The following RBFA variants were observed in gnomAD, a reference collection of about 807,000 sequenced individuals.
RBFA encodes ribosome binding factor A, also known as putative ribosome-binding factor A, mitochondrial.
In RBFA, 16 loss-of-function variants were observed where a neutral mutation model predicts 27.9. The observed-to-expected ratio is 0.57, with a 90% CI of 0.39 to 0.87. The LOEUF is 0.87. Ranked by LOEUF, RBFA falls within the 40% of genes least tolerant of loss-of-function variation. The pLI, the probability that RBFA is intolerant of heterozygous loss-of-function variation, is 0.00. For missense variants in RBFA, 456 were observed against 432.1 expected, an observed-to-expected ratio of 1.06 and a Z score of -0.49; for synonymous variants, 181 against 181.0, an observed-to-expected ratio of 1.00 and a Z score of 0.00.
chr18:80,034,957 C>T (rs887630558), intron 1 of RBFA: 9 of 345,454 alleles, frequency 2.6e-5, no homozygotes, highest in Non-Finnish European at 4.2e-5. Context: ...TAAGAATTTC[C>T]TTGCTAATGT....
chr18:80,034,748 T>TGCG lies in RBFA; in HGVS notation c.158+98_158+100dup. The TGCG allele has an allele frequency of 2.0e-6, 3 of 1,526,220 alleles. No homozygotes were observed. The South Asian group carries it at 3.5e-5, about 18-fold the overall frequency. The allele number at this position is 1,526,220 out of a possible 1,614,324, so 94.5% of individuals were successfully genotyped here. A position where few individuals can be genotyped will look rare whatever the true frequency, so the allele number is the denominator to read the frequency against. ...CCGCTCATCCGCGTTCTTGCGCCCA[T>TGCG]GCGGCCTAGCTCGCCAGTTCCTGCC... On this transcript the variant is annotated intron_variant, in intron 1 of 6. Coordinates refer to ENST00000306735, the MANE Select transcript of RBFA (RefSeq NM_024805.3).
In RBFA at chr18:80,047,925, T is replaced by C. The variant is rs1199320432; in HGVS notation, c.*1770T>C. On this transcript the variant is annotated 3_prime_UTR_variant, in exon 7 of 7. Transcript: ENST00000306735. ...AATCTCCCTGGCTTACAACAACCAG[T>C]TTGCCTCTTATTCTTCTAGGGGACC... 6.6e-6 allele frequency among the ~76,000 whole-genome samples: 1 copy of C among 152,116 alleles called. No homozygotes were observed. Among genetic ancestry groups the C allele is most frequent in the Admixed American group, 6.5e-5 (1 of 15,276 alleles).
At position 80,045,787 on chromosome 18, in the gene RBFA, C is replaced by A. The variant is rs765348495; in HGVS notation, c.664C>A (p.Pro222Thr). The A allele has an allele frequency of 3.2e-5, 49 of 1,516,576 alleles. 1 individual carries two copies. The South Asian group carries it at 5.2e-4, about 16-fold the overall frequency. 93.9% of individuals were successfully genotyped at this position (1,516,576 alleles called of 1,614,324 possible). A position where few individuals can be genotyped will look rare whatever the true frequency, so the allele number is the denominator to read the frequency against. ...VQNDFRDPDA[P>T]QPCGTTEPTT... ...CTTCCTTCCCAGGGACCCTGATGCCCCACAACCCTGCGGCACCACAGAGCC... is the reference window on the plus strand; with the variant it reads ...CTTCCTTCCCAGGGACCCTGATGCCACACAACCCTGCGGCACCACAGAGCC... The change falls in exon 7 of 7, where the codon CCA becomes ACA. Residue 222 changes from proline (P) to threonine (T), a missense_variant. Coordinates refer to ENST00000306735, the MANE Select transcript of RBFA (RefSeq NM_024805.3).
chr18:80,048,455 C>A lies in RBFA; in HGVS notation c.*2300C>A, dbSNP rs945328025. ...TGTGCCCAGGCTGTGTTTTATTGTT[C>A]TAGCAATTTATTGTTACAAAACAGA... On this transcript the variant is annotated 3_prime_UTR_variant, in exon 7 of 7. Transcript: ENST00000306735. 1.3e-5 allele frequency among the ~76,000 whole-genome samples: 2 copies of A among 152,212 alleles called. No individual in the cohort carries two copies. Among genetic ancestry groups the A allele is most frequent in the Admixed American group, 6.5e-5 (1 of 15,292 alleles).
At chr18:80,045,228 CTTTTT>C (rs35063027) in intron 6 of RBFA, among the ~76,000 whole-genome samples, 1 of 138,730 alleles carries the variant, frequency 7.2e-6, no homozygotes, top group Non-Finnish European at 1.5e-5. Flanking sequence ...GTTGCAAACG[CTTTTT>C]TTTTTTTTTT....
Position 80,042,112 on chromosome 18 carries a change from G to C in RBFA, c.492-23G>C, listed in dbSNP as rs75711024. The stretch of plus-strand genomic sequence containing the variant: ...CTGAGTGTCACGGCACAGCTGTGAG[G>C]GTCTGTGCGTTCTGTCTCCTAGGCA... On this transcript the variant is annotated intron_variant, in intron 4 of 6. Coordinates refer to ENST00000306735, the MANE Select transcript of RBFA (RefSeq NM_024805.3). The C allele has an allele frequency of 2.4e-3, 3,816 of 1,559,792 alleles. 62 individuals carry two copies. The African/African-American group carries it at 0.045, about 18-fold the overall frequency.
rs141154275 is a variant in RBFA, at chr18:80,046,017, C to T, written c.894C>T (p.Gly298=). ...GCTCCCTCAAGAGTTACCTGTCAGG[C>T]GAGGAGGTTGAAGATGACCTGGACC... The part of the protein sequence containing the change: ...QDSSLKSYLS[G]EEVEDDLDLV... The change falls in exon 7 of 7, where the codon GGC becomes GGT. Residue 298 remains glycine (G), a synonymous_variant. Transcript: ENST00000306735. 185 of 1,614,028 alleles carry T rather than the reference C, an allele frequency of 1.1e-4. No individual in the cohort carries two copies. The highest frequency in any genetic ancestry group is 4.0e-4 in the East Asian group (18 of 44,870).
In RBFA at chr18:80,049,230, G is replaced by A. The variant is rs539815709; in HGVS notation, c.*3075G>A. Among the ~76,000 whole-genome samples, 8 of 142,418 alleles carry A rather than the reference G, an allele frequency of 5.6e-5. No individual in the cohort carries two copies. Among genetic ancestry groups the A allele is most frequent in the African/African-American group, 1.9e-4 (7 of 37,554 alleles). The allele number at this position is 142,418 out of a possible 152,430, so 93.4% of individuals were successfully genotyped here. A position where few individuals can be genotyped will look rare whatever the true frequency, so the allele number is the denominator to read the frequency against. ...AATGGGTCCACTCCTGGGGATTTCC[G>A]CGGCCTTCCCTGGGAGCGGGTTAGG... On this transcript the variant is annotated 3_prime_UTR_variant, in exon 7 of 7. Coordinates refer to ENST00000306735, the MANE Select transcript of RBFA (RefSeq NM_024805.3).
chr18:80,036,741 C>T, intron 2 of RBFA, 31 bp downstream of exon 2: 1 of 1,563,708 alleles, frequency 6.4e-7, no homozygotes, highest in Middle Eastern at 1.7e-4. Flanking sequence ...ACTTTATAAT[C>T]TTGATGGGAG....
In RBFA at chr18:80,048,384, C is replaced by T. The variant is rs942249012; in HGVS notation, c.*2229C>T. 1.3e-5 allele frequency among the ~76,000 whole-genome samples: 2 copies of T among 152,192 alleles called. No individual in the cohort carries two copies. Among genetic ancestry groups the T allele is most frequent in the African/African-American group, 4.8e-5 (2 of 41,448 alleles). On this transcript the variant is annotated 3_prime_UTR_variant, in exon 7 of 7. Coordinates refer to ENST00000306735, the MANE Select transcript of RBFA (RefSeq NM_024805.3). The stretch of plus-strand genomic sequence containing the variant: ...AAAGGTGTTAAAGAAGGAGAGAACG[C>T]CCTCAATGGTGTGTCCTTTGCATAC...
intron 3 of RBFA, 97 bp downstream of exon 3, chr18:80,037,603 C>T: frequency 8.4e-7 from 1 of 1,194,128 alleles, no homozygotes; most frequent in Non-Finnish European, 1.2e-6. Context: ...AAAAAAGACG[C>T]TTTAGACTGG....
In RBFA at chr18:80,046,000, A is replaced by C. The variant is rs1053110872; in HGVS notation, c.877A>C (p.Lys293Gln). The C allele has an allele frequency of 1.2e-6, 2 of 1,614,060 alleles. No individual in the cohort carries two copies. The highest frequency in any genetic ancestry group is 1.7e-6 in the Non-Finnish European group (2 of 1,180,050). The change falls in exon 7 of 7, where the codon AAG becomes CAG. Residue 293 changes from lysine to glutamine, a missense_variant. Physicochemically the swap from Lys to Gln is moderately conservative, Grantham distance 53. Coordinates refer to ENST00000306735, the MANE Select transcript of RBFA (RefSeq NM_024805.3). ...CCGCCTGGAGCAGGACAGCTCCCTCAAGAGTTACCTGTCAGGCGAGGAGGT... is the reference window on the plus strand; with the variant it reads ...CCGCCTGGAGCAGGACAGCTCCCTCCAGAGTTACCTGTCAGGCGAGGAGGT... ...KPRLEQDSSLKSYLSGEEVED... is the reference protein window; with the variant it reads ...KPRLEQDSSLQSYLSGEEVED...
Position 80,046,173 on chromosome 18 carries a change from A to G in RBFA, c.*18A>G. On this transcript the variant is annotated 3_prime_UTR_variant, in exon 7 of 7. Coordinates refer to ENST00000306735, the MANE Select transcript of RBFA (RefSeq NM_024805.3). Reference sequence around the variant, plus strand: ...GGGAGTAGATGGAGAGGCTCTGCCCATCCCACATTTGCAGGGAAAAGCATT... The same window carrying G: ...GGGAGTAGATGGAGAGGCTCTGCCCGTCCCACATTTGCAGGGAAAAGCATT... 2 of 1,606,418 alleles carry G rather than the reference A, an allele frequency of 1.2e-6. No individual in the cohort carries two copies. Among genetic ancestry groups the G allele is most frequent in the Non-Finnish European group, 1.7e-6 (2 of 1,174,998 alleles).
rs370652196 is a variant in RBFA at position 80,049,773 on chromosome 18, A to G, written c.*3618A>G. On this transcript the variant is annotated 3_prime_UTR_variant, in exon 7 of 7. Coordinates refer to ENST00000306735, the MANE Select transcript of RBFA (RefSeq NM_024805.3). ...AGAACATTTTGAGGTAGACAGGGGA[A>G]CTTAATCACCCCTTGTAGGCCCCCA... Among the ~76,000 whole-genome samples the G allele has an allele frequency of 2.1e-4, 32 of 152,334 alleles. No homozygotes were observed. The East Asian group carries it at 4.6e-3, about 22-fold the overall frequency.
In RBFA at chr18:80,045,969, C is replaced by T; in HGVS notation, c.846C>T (p.Ala282=). The T allele has an allele frequency of 6.2e-7, 1 of 1,614,136 alleles. No homozygotes were observed. The highest frequency in any genetic ancestry group is 8.5e-7 in the Non-Finnish European group (1 of 1,180,044). ...TTQMKKGRKR[A]KPRLEQDSSL... ...AGATGAAAAAGGGAAGGAAGAGGGC[C>T]AAGCCCCGCCTGGAGCAGGACAGCT... Residue 282 remains alanine, a synonymous_variant, in exon 7 of 7, where the codon GCC becomes GCT. Coordinates refer to ENST00000306735, the MANE Select transcript of RBFA (RefSeq NM_024805.3).
At chr18:80,042,347 C>T in intron 5 of RBFA, 128 bp downstream of exon 5, 1 of 478,768 alleles carries the variant, frequency 2.1e-6, no homozygotes, top group Non-Finnish European at 3.5e-6. Context: ...GTCTCAGCCT[C>T]CCAAAGTGCT....
intron 1 of RBFA, chr18:80,034,856 C>A (rs905421226): frequency 3.7e-6 from 2 of 547,674 alleles, no homozygotes; most frequent in African/African-American, 2.0e-5. Context: ...GTTAAGAAAA[C>A]AAAGTGACAA....
intron 5 of RBFA, among the ~76,000 whole-genome samples, chr18:80,043,172 GT>G (rs2052028003): frequency 6.6e-6 from 1 of 152,186 alleles, no homozygotes; most frequent in African/African-American, 2.4e-5. Flanking sequence ...TTACCTGGCA[GT>G]TATTAAGATA....
rs1488562663 is a variant in RBFA at position 80,047,931 on chromosome 18, T to A, written c.*1776T>A. 1.3e-5 allele frequency among the ~76,000 whole-genome samples: 2 copies of A among 152,214 alleles called. No homozygotes were observed. Among genetic ancestry groups the A allele is most frequent in the Non-Finnish European group, 2.9e-5 (2 of 68,038 alleles). On this transcript the variant is annotated 3_prime_UTR_variant, in exon 7 of 7. Transcript: ENST00000306735. ...CCTGGCTTACAACAACCAGTTTGCC[T>A]CTTATTCTTCTAGGGGACCATCATG...
Sources: gnomAD v4.1 joint callset for allele counts (sites outside exome capture counted in the v4.1 genomes callset) on GRCh38, gnomAD v4.1.1 for gene constraint, MANE v1.5 for transcripts, NCBI Gene and HGNC (gene_info 2026-07-23, HGNC 2026-07-21) for gene names.